COL8A1: variants seen among roughly 807,000 people sequenced by gnomAD.
The protein encoded by COL8A1 is collagen alpha-1(VIII) chain.
COL8A1 carries 21 observed loss-of-function variants against 42.7 expected under a neutral mutation model. The observed-to-expected ratio is 0.49, with a 90% CI of 0.35 to 0.71. The LOEUF (loss-of-function observed/expected upper bound fraction) is 0.71. Among genes scored for constraint, COL8A1 ranks in the 30% least tolerant of loss-of-function variants. The probability of loss-of-function intolerance (pLI) is 0.01; values close to 1 mark genes in which losing one functional copy is unlikely to be tolerated. For missense variants in COL8A1, 788 were observed against 962.4 expected (o/e 0.82, Z 2.40); for synonymous variants, 367 against 369.1 (o/e 0.99, Z 0.06).
intron 1 of COL8A1, among the ~76,000 whole-genome samples, chr3:99,694,425 G>A (rs750777352): frequency 2.0e-5 from 3 of 151,626 alleles, no homozygotes; most frequent in Admixed American, 1.3e-4. Flanking sequence ...GCAGAGAGCC[G>A]AGATCGCACC....
chr3:99,785,891 A>G (rs1361280344), intron 2 of COL8A1, among the ~76,000 whole-genome samples: 2 of 152,196 alleles, frequency 1.3e-5, no homozygotes, highest in African/African-American at 2.4e-5. Flanking sequence ...CTTTGTTATG[A>G]CAACCAGAGA....
chr3:99,790,883 C>T lies in COL8A1; in HGVS notation c.201C>T (p.Gly67=). 1 of 1,614,268 alleles carries T rather than the reference C, an allele frequency of 6.2e-7. No individual in the cohort carries two copies. Among genetic ancestry groups the T allele is most frequent in the Non-Finnish European group, 8.5e-7 (1 of 1,180,054 alleles). Residue 67 remains glycine (G), a synonymous_variant, in exon 3 of 4, where the codon GGC becomes GGT. Coordinates refer to ENST00000652472, the MANE Select transcript of COL8A1 (RefSeq NM_020351.4). ...QVPHMPLAKD[G]LAMGKEMPHL... ...CTCACATGCCTTTGGCCAAAGATGG[C>T]CTTGCCATGGGCAAGGAGATGCCCC...
At chr3:99,725,925 T>C (rs566103667) in intron 1 of COL8A1, among the ~76,000 whole-genome samples, 1 of 152,292 alleles carries the variant, frequency 6.6e-6, no homozygotes, top group East Asian at 1.9e-4. Flanking sequence ...TTTGGGTATA[T>C]ACCCAGTAAT....
chr3:99,664,007 A>G (rs573958083), intron 1 of COL8A1, among the ~76,000 whole-genome samples: 14 of 152,202 alleles, frequency 9.2e-5, no homozygotes, highest in Admixed American at 2.0e-4. Flanking sequence ...TTCCAACACA[A>G]AAGGCCTAAC....
intron 1 of COL8A1, among the ~76,000 whole-genome samples, chr3:99,682,600 A>G (rs1454642421): frequency 6.7e-6 from 1 of 150,206 alleles, no homozygotes; most frequent in Non-Finnish European, 1.5e-5. Flanking sequence ...GAATTAAGTA[A>G]AAGGAATGTG....
At chr3:99,747,198 A>G (rs1250568176) in intron 2 of COL8A1, among the ~76,000 whole-genome samples, 1 of 152,176 alleles carries the variant, frequency 6.6e-6, no homozygotes, top group African/African-American at 2.4e-5. Flanking sequence ...AAAAATATAG[A>G]TTCCTGAATG....
intron 1 of COL8A1, among the ~76,000 whole-genome samples, chr3:99,673,224 G>T (rs1037560261): frequency 6.6e-6 from 1 of 151,920 alleles, no homozygotes; most frequent in Non-Finnish European, 1.5e-5. Flanking sequence ...CTGACACAAG[G>T]TCATAATTTT....
chr3:99,730,308 T>C (rs1940463864), intron 1 of COL8A1, among the ~76,000 whole-genome samples: 1 of 152,172 alleles, frequency 6.6e-6, no homozygotes, highest in South Asian at 2.1e-4. Flanking sequence ...GCCTGTTTTG[T>C]GAAGGAAATT....
At chr3:99,641,984 T>C (rs2107279390) in intron 1 of COL8A1, among the ~76,000 whole-genome samples, 1 of 152,292 alleles carries the variant, frequency 6.6e-6, no homozygotes, top group Admixed American at 6.5e-5. Flanking sequence ...GATATCTCAA[T>C]CCCTAAAGCA....
chr3:99,678,306 C>G (rs1314888864), intron 1 of COL8A1: 6 of 152,076 alleles, frequency 3.9e-5, no homozygotes, highest in Non-Finnish European at 5.9e-5. Flanking sequence ...TTTCAAACAA[C>G]TGCTGGTTTG....
chr3:99,759,330 A>G (rs975928495), intron 2 of COL8A1, among the ~76,000 whole-genome samples: 1 of 152,178 alleles, frequency 6.6e-6, no homozygotes, highest in African/African-American at 2.4e-5. Context: ...AAGGAGTTGT[A>G]TTTGCTATGT....
At chr3:99,771,283 A>C (rs1325289827) in intron 2 of COL8A1, among the ~76,000 whole-genome samples, 1 of 152,230 alleles carries the variant, frequency 6.6e-6, no homozygotes, top group African/African-American at 2.4e-5. Flanking sequence ...TTGTTAAATA[A>C]GAGAGAATAT....
At chr3:99,701,673 C>T (rs192842460) in intron 1 of COL8A1, among the ~76,000 whole-genome samples, 12 of 152,284 alleles carry the variant, frequency 7.9e-5, no homozygotes, top group Admixed American at 2.0e-4. Context: ...GTTTCTGAAT[C>T]TCTCAGCTAT....
At chr3:99,720,546 A>C (rs116646898) in intron 1 of COL8A1, among the ~76,000 whole-genome samples, 3,427 of 152,302 alleles carry the variant, frequency 0.023, 67 homozygotes, top group Middle Eastern at 0.051. Flanking sequence ...CATTATAAAA[A>C]TAATAGTTAT....
chr3:99,709,713 CT>C (rs1939783124), intron 1 of COL8A1, among the ~76,000 whole-genome samples: 1 of 152,128 alleles, frequency 6.6e-6, no homozygotes, highest in Non-Finnish European at 1.5e-5. Flanking sequence ...TTGGTTTGAC[CT>C]GTGTGATCAC....
At chr3:99,663,565 A>G (rs1938273209) in intron 1 of COL8A1, among the ~76,000 whole-genome samples, 1 of 152,108 alleles carries the variant, frequency 6.6e-6, no homozygotes, top group South Asian at 2.1e-4. Context: ...AATTTACCAA[A>G]TTCCAATGCA....
At chr3:99,670,463 CT>C (rs780823668) in intron 1 of COL8A1, among the ~76,000 whole-genome samples, 1 of 151,884 alleles carries the variant, frequency 6.6e-6, no homozygotes, top group Admixed American at 6.6e-5. Flanking sequence ...TAAAGATACC[CT>C]TTTTCTTATT....
rs996728569 is a variant in COL8A1 at position 99,671,376 on chromosome 3, T to C, written c.-129+32712T>C. On this transcript the variant is annotated intron_variant, in intron 1 of 3. Transcript: ENST00000652472. The stretch of plus-strand genomic sequence containing the variant: ...TTTTAACTAACAAAAAAGTTACATA[T>C]ATTTGTGGTTTCCAACATGATGTTT... Among the ~76,000 whole-genome samples, 4 of 152,024 alleles carry C rather than the reference T, an allele frequency of 2.6e-5. No homozygotes were observed. In the East Asian group the frequency reaches 7.7e-4, roughly 29 times the overall value.
At chr3:99,684,824 T>G (rs1016968583) in intron 1 of COL8A1, among the ~76,000 whole-genome samples, 2 of 152,174 alleles carry the variant, frequency 1.3e-5, no homozygotes, top group Non-Finnish European at 2.9e-5. Flanking sequence ...AGAATTCAAG[T>G]GGATCTCAAG....
Sources: gnomAD v4.1 joint callset for allele counts (sites outside exome capture counted in the v4.1 genomes callset) on GRCh38, gnomAD v4.1.1 for gene constraint, MANE v1.5 for transcripts, NCBI Gene and HGNC (gene_info 2026-07-23, HGNC 2026-07-21) for gene names.